Variants in MIS18BP1 observed in about 807,000 individuals in gnomAD.
MIS18BP1 encodes the protein MIS18 binding protein 1.
A neutral mutation model predicts 116.1 loss-of-function variants in MIS18BP1; 72 were observed. The ratio of observed to expected loss-of-function variants is 0.62; its 90% CI spans 0.51 to 0.75. The LOEUF (loss-of-function observed/expected upper bound fraction) is 0.75. MIS18BP1 is among the 30% of genes least tolerant of loss of function. The pLI, the probability that MIS18BP1 is intolerant of heterozygous loss-of-function variation, is 0.00. For missense variants in MIS18BP1, 1,363 were observed against 1,303.2 expected, an observed-to-expected ratio of 1.05 and a Z score of -0.71; for synonymous variants, 386 against 427.0, an observed-to-expected ratio of 0.90 and a Z score of 1.18.
Position 45,203,635 on chromosome 14 carries a change from T to C in MIS18BP1, c.*474A>G, listed in dbSNP as rs1402296475. On this transcript the variant is annotated 3_prime_UTR_variant, in exon 17 of 17. Transcript: ENST00000310806. Reference sequence around the variant, plus strand: ...ACAATGTGTAATTTAAACATTAGGTTTGGATAACAACTGGTAACAAATCCT... The same window carrying C: ...ACAATGTGTAATTTAAACATTAGGTCTGGATAACAACTGGTAACAAATCCT... 6.6e-6 allele frequency: 1 copy of C among 152,328 alleles called. No individual in the cohort carries two copies. The highest frequency in any genetic ancestry group is 1.5e-5 in the Non-Finnish European group (1 of 68,126). The allele number at this position is 152,328 out of a possible 1,614,324, so 9.4% of individuals were successfully genotyped here. A position where few individuals can be genotyped will look rare whatever the true frequency, so the allele number is the denominator to read the frequency against.
chr14:45,236,020 T>G, intron 5 of MIS18BP1, 76 bp from the exon 6 acceptor site: 1 of 1,293,932 alleles, frequency 7.7e-7, no homozygotes, highest in Non-Finnish European at 1.1e-6. Flanking sequence ...TTTTACACTT[T>G]AGCTACAGCA....
At chr14:45,233,508 GAGA>G (rs1891344182) in intron 6 of MIS18BP1, among the ~76,000 whole-genome samples, 1 of 152,180 alleles carries the variant, frequency 6.6e-6, no homozygotes, top group South Asian at 2.1e-4. Flanking sequence ...CTGCTATTTT[GAGA>G]AGAACCTGTG....
chr14:45,247,612 A>C (rs1891757747), intron 1 of MIS18BP1, among the ~76,000 whole-genome samples: 2 of 152,044 alleles, frequency 1.3e-5, no homozygotes, highest in Non-Finnish European at 2.9e-5. Context: ...AGCAGGGAGG[A>C]TCACTTGAGC....
chr14:45,246,851 CATT>C lies in MIS18BP1; in HGVS notation c.433_435del (p.Asn145del). On this transcript the variant is annotated inframe_deletion, in exon 2 of 17. Transcript: ENST00000310806. Reference sequence around the variant, plus strand: ...TCAACTCTGTTAGGAGTGAAGGTTTCATTATTTCCACTTTTCTGTGGTTCCAAC... The same window carrying C: ...TCAACTCTGTTAGGAGTGAAGGTTTCATTTCCACTTTTCTGTGGTTCCAAC... 1 of 1,610,830 alleles carries C rather than the reference CATT, an allele frequency of 6.2e-7. No homozygotes were observed. The highest frequency in any genetic ancestry group is 1.7e-5 in the Admixed American group (1 of 59,486).
chr14:45,227,322 T>C (rs570723576), intron 9 of MIS18BP1, among the ~76,000 whole-genome samples: 4 of 151,806 alleles, frequency 2.6e-5, no homozygotes, highest in African/African-American at 9.7e-5. Flanking sequence ...GCCTGGCCAA[T>C]ATGGTGAAAC....
intron 16 of MIS18BP1, 38 bp downstream of exon 16, chr14:45,204,361 T>C (rs374848236): frequency 3.2e-6 from 5 of 1,582,038 alleles, no homozygotes; most frequent in Non-Finnish European, 4.3e-6. Context: ...TACCTTATAA[T>C]AGAACTGAGC....
chr14:45,226,249 C>G (rs1891119510), intron 10 of MIS18BP1, among the ~76,000 whole-genome samples: 1 of 152,136 alleles, frequency 6.6e-6, no homozygotes, highest in Non-Finnish European at 1.5e-5. Context: ...ATGTTCTTCA[C>G]TTTCACTTCT....
chr14:45,231,011 G>A, intron 8 of MIS18BP1, 130 bp downstream of exon 8: 1 of 807,670 alleles, frequency 1.2e-6, no homozygotes, highest in Non-Finnish European at 1.8e-6. Flanking sequence ...AAGCAGGAAT[G>A]TGGGGGCAGT....
intron 14 of MIS18BP1, among the ~76,000 whole-genome samples, chr14:45,206,602 T>C (rs1418855047): frequency 6.6e-6 from 1 of 152,156 alleles, no homozygotes; most frequent in Non-Finnish European, 1.5e-5. Flanking sequence ...CAAACGTATT[T>C]CCATCTTTAA....
chr14:45,246,751 G>T lies in MIS18BP1; in HGVS notation c.536C>A (p.Ser179Ter). 1 of 1,559,894 alleles carries T rather than the reference G, an allele frequency of 6.4e-7. No individual in the cohort carries two copies. Among genetic ancestry groups the T allele is most frequent in the Non-Finnish European group, 8.6e-7 (1 of 1,161,004 alleles). The change falls in exon 2 of 17, where the codon TCA (serine) becomes TAA (stop). Residue 179 changes from serine (S) to a stop codon, truncating the protein, a stop_gained. Transcript: ENST00000310806. LOFTEE classifies it high-confidence loss of function. ...TAACACATAAAACTAACCTCTTAGT[G>T]AACTGTCATCTGACTGGAATGATTT... ...NNKSFQSDDS[S>*]LRASVQGVPL...
intron 2 of MIS18BP1, 42 bp downstream of exon 2, chr14:45,246,701 A>C: frequency 6.6e-7 from 1 of 1,508,826 alleles, no homozygotes; most frequent in Non-Finnish European, 8.8e-7. Flanking sequence ...AACATTAAAC[A>C]CTTAAGACAT....
intron 13 of MIS18BP1, among the ~76,000 whole-genome samples, chr14:45,216,715 T>C (rs538596270): frequency 6.6e-6 from 1 of 152,354 alleles, no homozygotes; most frequent in East Asian, 1.9e-4. Context: ...CAGTATCTTT[T>C]ATCAACTTTA....
At chr14:45,207,432 C>T (rs1033835915) in intron 14 of MIS18BP1, among the ~76,000 whole-genome samples, 8 of 152,156 alleles carry the variant, frequency 5.3e-5, no homozygotes, top group Admixed American at 1.3e-4. Context: ...TGGCGGATTA[C>T]CTGAAGTCAG....
chr14:45,237,113 G>A (rs79005360), intron 5 of MIS18BP1, among the ~76,000 whole-genome samples: 4,089 of 151,582 alleles, frequency 0.027, 106 homozygotes, highest in African/African-American at 0.068. Context: ...TAAGAAACTG[G>A]TCTTGAAGAA....
At chr14:45,207,233 C>G (rs139176266) in intron 14 of MIS18BP1, among the ~76,000 whole-genome samples, 6 of 152,324 alleles carry the variant, frequency 3.9e-5, no homozygotes, top group African/African-American at 1.4e-4. Flanking sequence ...TCTTACATAC[C>G]TGAGTATCCT....
intron 13 of MIS18BP1, among the ~76,000 whole-genome samples, chr14:45,216,207 ACT>A (rs1020247051): frequency 3.9e-5 from 6 of 152,056 alleles, no homozygotes; most frequent in African/African-American, 1.4e-4. Flanking sequence ...CTTAGGATAA[ACT>A]CTCAAGAATA....
intron 4 of MIS18BP1, among the ~76,000 whole-genome samples, chr14:45,241,089 G>A (rs1030567054): frequency 2.6e-5 from 4 of 152,168 alleles, no homozygotes; most frequent in South Asian, 2.1e-4. Context: ...GGGCAACAGA[G>A]TAAGGCCTCA....
At position 45,224,236 on chromosome 14, in the gene MIS18BP1, C is replaced by T; in HGVS notation, c.2351G>A (p.Arg784Lys). Reference sequence around the variant, plus strand: ...TTTGGTTTTCTTAACTTCAGCTTTCCTTTTAATTTCCTTTTCTGTTTCACT... The same window carrying T: ...TTTGGTTTTCTTAACTTCAGCTTTCTTTTTAATTTCCTTTTCTGTTTCACT... ...EESETEKEIK[R>K]KAEVKKTKAG... Residue 784 changes from arginine (R) to lysine (K), a missense_variant, in exon 11 of 17, where the codon AGG (arginine) becomes AAG (lysine). Arg to Lys is a conservative substitution (Grantham distance 26). Transcript: ENST00000310806. 1 of 1,613,768 alleles carries T rather than the reference C, an allele frequency of 6.2e-7. No homozygotes were observed. Among genetic ancestry groups the T allele is most frequent in the African/African-American group, 1.3e-5 (1 of 75,020 alleles).
intron 2 of MIS18BP1, among the ~76,000 whole-genome samples, chr14:45,244,529 A>C (rs1350005557): frequency 6.6e-6 from 1 of 152,084 alleles, no homozygotes; most frequent in Non-Finnish European, 1.5e-5. Flanking sequence ...ACTTCATTCT[A>C]TTTGGCAAAA....
Sources: allele counts gnomAD v4.1 joint callset (sites outside exome capture counted in the v4.1 genomes callset), GRCh38; gene constraint gnomAD v4.1.1; transcripts MANE v1.5; gene names NCBI Gene and HGNC (gene_info 2026-07-23, HGNC 2026-07-21).